The following RGS5 variants were observed in gnomAD, a reference collection of about 807,000 sequenced individuals.
RGS5 encodes the protein regulator of G protein signaling 5.
RGS5 carries 20 observed loss-of-function variants against 18.9 expected under a neutral mutation model. The ratio of observed to expected loss-of-function variants is 1.06; its 90% CI spans 0.74 to 1.54. The LOEUF is 1.54. RGS5 is among the 40% of genes most tolerant of loss of function. The pLI, the probability that RGS5 is intolerant of heterozygous loss-of-function variation, is 0.00. For synonymous variants in RGS5, 57 were observed against 76.2 expected (o/e 0.75, Z 1.31); for missense variants, 201 against 211.8 (o/e 0.95, Z 0.32).
At chr1:163,231,903 G>A (rs775944652) in intron 2 of RGS5, among the ~76,000 whole-genome samples, 6 of 152,054 alleles carry the variant, frequency 3.9e-5, no homozygotes, top group Admixed American at 1.3e-4. Context: ...TACTACTACA[G>A]TAGTTGCTAT....
rs190637594 is a variant in RGS5, at chr1:163,174,171, C to T, written c.45-5803G>A. On this transcript the variant is annotated intron_variant, in intron 1 of 4. Transcript: ENST00000313961. The stretch of plus-strand genomic sequence containing the variant: ...ATGGGAGATATTATATACCTAAAAA[C>T]TGCTCCTAATATATCCTCAGAGCCC... Among the ~76,000 whole-genome samples the T allele has an allele frequency of 2.8e-4, 42 of 152,302 alleles. No individual in the cohort carries two copies. The East Asian group carries it at 6.6e-3, about 24-fold the overall frequency.
chr1:163,321,269 A>G (rs1453720850), intron 1 of RGS5: 1 of 152,238 alleles, frequency 6.6e-6, no homozygotes, highest in Non-Finnish European at 1.5e-5. Flanking sequence ...CACTTACTGT[A>G]TAACTTCTAA....
At chr1:163,312,636 G>A (rs150500092) in intron 1 of RGS5, among the ~76,000 whole-genome samples, 2,236 of 152,284 alleles carry the variant, frequency 0.015, 66 homozygotes, top group African/African-American at 0.051. Context: ...ATTTTAAACA[G>A]TACTGGATGA....
chr1:163,284,035 T>C (rs781493710), intron 2 of RGS5, among the ~76,000 whole-genome samples: 1 of 152,202 alleles, frequency 6.6e-6, no homozygotes, highest in East Asian at 1.9e-4. Flanking sequence ...TTGCTGTTTA[T>C]GGTCACTTGT....
At chr1:163,245,362 C>A (rs191340927) in intron 2 of RGS5, among the ~76,000 whole-genome samples, 1 of 152,198 alleles carries the variant, frequency 6.6e-6, no homozygotes, top group Non-Finnish European at 1.5e-5. Flanking sequence ...TTCCCCATGA[C>A]AACTTGTTGA....
chr1:163,292,446 T>C (rs1221680459), intron 2 of RGS5, among the ~76,000 whole-genome samples: 1 of 152,330 alleles, frequency 6.6e-6, no homozygotes, highest in East Asian at 1.9e-4. Context: ...TGATTCCATG[T>C]TTTTGCTATT....
chr1:163,276,989 G>A (rs952518924), intron 2 of RGS5, among the ~76,000 whole-genome samples: 1 of 152,108 alleles, frequency 6.6e-6, no homozygotes, highest in African/African-American at 2.4e-5. Context: ...AGAAAAAGCT[G>A]ACCAGGATTA....
intron 1 of RGS5, among the ~76,000 whole-genome samples, chr1:163,215,492 A>C (rs374263237): frequency 6.6e-6 from 1 of 152,204 alleles, no homozygotes; most frequent in East Asian, 1.9e-4. Flanking sequence ...CAGTGGGAAA[A>C]CAGATGGCAC....
At chr1:163,301,674 G>A (rs1393972909) in intron 2 of RGS5, among the ~76,000 whole-genome samples, 9 of 152,126 alleles carry the variant, frequency 5.9e-5, no homozygotes, top group Admixed American at 6.5e-5. Context: ...GCCTATTACT[G>A]CTCAATTCTC....
chr1:163,293,849 A>G (rs1013704358), intron 2 of RGS5, among the ~76,000 whole-genome samples: 26 of 152,232 alleles, frequency 1.7e-4, no homozygotes, highest in Admixed American at 9.2e-4. Flanking sequence ...CAAAGGGGCC[A>G]CAGGCACTTT....
chr1:163,213,590 G>T (rs1170828224), intron 1 of RGS5, among the ~76,000 whole-genome samples: 3 of 152,202 alleles, frequency 2.0e-5, no homozygotes, highest in Non-Finnish European at 4.4e-5. Context: ...ACTGTTTACA[G>T]CCTGGAGAGC....
chr1:163,264,019 A>G (rs1648516602), intron 2 of RGS5, among the ~76,000 whole-genome samples: 1 of 151,980 alleles, frequency 6.6e-6, no homozygotes, highest in African/African-American at 2.4e-5. Flanking sequence ...TGATGTATGT[A>G]TGTAAGCCTT....
intron 1 of RGS5, among the ~76,000 whole-genome samples, chr1:163,181,131 A>T (rs1429538206): frequency 6.6e-6 from 1 of 152,150 alleles, no homozygotes; most frequent in Non-Finnish European, 1.5e-5. Context: ...GTGGGGTTTG[A>T]GGATTCACAT....
chr1:163,286,993 G>T (rs1649161845), intron 2 of RGS5, among the ~76,000 whole-genome samples: 1 of 152,092 alleles, frequency 6.6e-6, no homozygotes, highest in African/African-American at 2.4e-5. Context: ...AAAGATAAAA[G>T]CTTAAATGTA....
intron 2 of RGS5, among the ~76,000 whole-genome samples, chr1:163,231,776 A>C (rs1647488787): frequency 1.4e-5 from 2 of 145,058 alleles, no homozygotes; most frequent in Admixed American, 6.8e-5. Flanking sequence ...AAAAAGGCTA[A>C]ATAGAACATT....
chr1:163,159,078 C>T (rs188318461), intron 3 of RGS5, among the ~76,000 whole-genome samples: 101 of 152,286 alleles, frequency 6.6e-4, no homozygotes, highest in African/African-American at 2.0e-3. Flanking sequence ...CCCGGCTCAC[C>T]GGCAGTCAGA....
chr1:163,298,580 A>G (rs1342344225), intron 2 of RGS5, among the ~76,000 whole-genome samples: 1 of 152,152 alleles, frequency 6.6e-6, no homozygotes, highest in Non-Finnish European at 1.5e-5. Context: ...TTATACAGAT[A>G]ACATCTCTCA....
intron 1 of RGS5, among the ~76,000 whole-genome samples, chr1:163,214,234 C>G (rs371069461): frequency 6.6e-6 from 1 of 152,144 alleles, no homozygotes; most frequent in Non-Finnish European, 1.5e-5. Context: ...GGTTCTCACA[C>G]AGGAGAGACA....
chr1:163,217,615 C>T (rs1387883887), exon 1 of RGS5: 1 of 1,539,312 alleles, frequency 6.5e-7, no homozygotes, highest in East Asian at 2.5e-5. Context: ...GGTTTTGTTT[C>T]TTTGTTTTGT....
Sources: allele counts gnomAD v4.1 joint callset (sites outside exome capture counted in the v4.1 genomes callset), GRCh38; gene constraint gnomAD v4.1.1; transcripts MANE v1.5; gene names NCBI Gene and HGNC (gene_info 2026-07-23, HGNC 2026-07-21).